The following NFKB1 variants were observed in gnomAD, a reference collection of about 807,000 sequenced individuals.
NFKB1 encodes the protein nuclear factor kappa B subunit 1, also known as nuclear factor NF-kappa-B p105 subunit.
Under a neutral mutation model 105.1 loss-of-function variants are expected in NFKB1, and 9 were observed. The observed-to-expected ratio is 0.09, with a 90% confidence interval of 0.05 to 0.15. The LOEUF (loss-of-function observed/expected upper bound fraction) is 0.15, where lower values mean the gene tolerates loss of function less well. NFKB1 is among the 10% of genes least tolerant of loss of function. NFKB1 has a pLI of 1.00. For synonymous variants in NFKB1, 440 were observed against 442.2 expected (o/e 1.00, Z 0.06); for missense variants, 830 against 1,203.7 (o/e 0.69, Z 4.59).
Position 102,607,386 on chromosome 4 carries a change from G to A in NFKB1, c.2124+67G>A, listed in dbSNP as rs866325133. ...GGAGATTTAAGGAAATCTTTTCAAA[G>A]AAGGAAGTCAGTAGCTGCTGTTCTC... On this transcript the variant is annotated intron_variant, in intron 18 of 23. Transcript: ENST00000226574. The A allele has an allele frequency of 1.3e-4, 209 of 1,548,426 alleles. 3 individuals are homozygous for A. In the South Asian group the frequency reaches 2.4e-3, roughly 18 times the overall value.
chr4:102,514,312 T>G (rs1578706777), intron 1 of NFKB1, among the ~76,000 whole-genome samples: 2 of 152,292 alleles, frequency 1.3e-5, no homozygotes, highest in East Asian at 3.9e-4. Context: ...GGTTTGAATG[T>G]GTCCCCACCA....
intron 15 of NFKB1, among the ~76,000 whole-genome samples, chr4:102,599,594 T>C (rs1307341831): frequency 1.3e-5 from 2 of 152,194 alleles, no homozygotes; most frequent in Admixed American, 6.5e-5. Flanking sequence ...TTTAGAACAG[T>C]GCACATGTAT....
intron 15 of NFKB1, among the ~76,000 whole-genome samples, chr4:102,599,228 G>A (rs534386448): frequency 1.3e-5 from 2 of 152,162 alleles, no homozygotes; most frequent in Non-Finnish European, 2.9e-5. Flanking sequence ...TGGTGTATGT[G>A]CATCATGTCT....
intron 11 of NFKB1, among the ~76,000 whole-genome samples, chr4:102,587,925 A>G (rs1339043692): frequency 1.3e-5 from 2 of 152,188 alleles, no homozygotes; most frequent in Admixed American, 6.6e-5. Flanking sequence ...TGTACAACCC[A>G]GGGAAACATT....
At position 102,611,053 on chromosome 4, in the gene NFKB1, C is replaced by T. The variant is rs1317047631; in HGVS notation, c.2352+354C>T. On this transcript the variant is annotated intron_variant, in intron 20 of 23. Coordinates refer to ENST00000226574, the MANE Select transcript of NFKB1 (RefSeq NM_003998.4). ...GATAAATGTTACTGTTTGCTTAGGA[C>T]TTAGGTAAGTGATTTCAGGATGTAA... Among the ~76,000 whole-genome samples the T allele has an allele frequency of 2.0e-5, 3 of 152,106 alleles. No individual in the cohort carries two copies. In the East Asian group the frequency reaches 5.8e-4, roughly 29 times the overall value.
chr4:102,571,917 A>T (rs1415119448), intron 6 of NFKB1, among the ~76,000 whole-genome samples: 1 of 152,192 alleles, frequency 6.6e-6, no homozygotes, highest in East Asian at 1.9e-4. Flanking sequence ...ATTGTGGAAG[A>T]CAGTGTGGCG....
In NFKB1 at chr4:102,606,715, A is replaced by G. The variant is rs748217323; in HGVS notation, c.1954+18A>G. On this transcript the variant is annotated intron_variant, in intron 17 of 23. Transcript: ENST00000226574. ...CGGGGACGGTAAGAGACAATCACACATCATTGGTGTAACTTTCTCCACCTT... is the reference window on the plus strand; with the variant it reads ...CGGGGACGGTAAGAGACAATCACACGTCATTGGTGTAACTTTCTCCACCTT... 1 of 1,606,604 alleles carries G rather than the reference A, an allele frequency of 6.2e-7. No homozygotes were observed.
At chr4:102,545,117 G>A (rs1392725870) in intron 5 of NFKB1, among the ~76,000 whole-genome samples, 1 of 152,142 alleles carries the variant, frequency 6.6e-6, no homozygotes, top group Non-Finnish European at 1.5e-5. Flanking sequence ...TGAACACACA[G>A]AAGCACTAAG....
At chr4:102,554,289 C>T (rs932367869) in intron 5 of NFKB1, among the ~76,000 whole-genome samples, 2 of 152,032 alleles carry the variant, frequency 1.3e-5, no homozygotes, top group African/African-American at 2.4e-5. Context: ...TCAGGCTAGG[C>T]CTGTAAATAA....
intron 2 of NFKB1, among the ~76,000 whole-genome samples, chr4:102,527,194 A>G (rs1740974359): frequency 6.6e-6 from 1 of 152,208 alleles, no homozygotes; most frequent in African/African-American, 2.4e-5. Flanking sequence ...AAGAACAGAG[A>G]CATTGTTTTC....
chr4:102,519,677 A>G (rs941392257), intron 1 of NFKB1, among the ~76,000 whole-genome samples: 1 of 152,184 alleles, frequency 6.6e-6, no homozygotes, highest in Admixed American at 6.5e-5. Flanking sequence ...CAAAGATACT[A>G]TATTAAAATA....
intron 6 of NFKB1, among the ~76,000 whole-genome samples, chr4:102,575,310 A>G (rs1052405043): frequency 6.6e-6 from 1 of 152,160 alleles, no homozygotes; most frequent in Non-Finnish European, 1.5e-5. Flanking sequence ...GGCCTCTGGT[A>G]TGAGTGCTCA....
At chr4:102,536,016 GTTC>G (rs1463257775) in intron 4 of NFKB1, among the ~76,000 whole-genome samples, 2 of 151,822 alleles carry the variant, frequency 1.3e-5, no homozygotes, top group Non-Finnish European at 1.5e-5. Flanking sequence ...AGAACATCCA[GTTC>G]TGTTGCATAT....
At chr4:102,588,006 A>G (rs1371980683) in intron 11 of NFKB1, among the ~76,000 whole-genome samples, 2 of 151,490 alleles carry the variant, frequency 1.3e-5, no homozygotes, top group Non-Finnish European at 2.9e-5. Context: ...TCCCTATCTC[A>G]TTGCCTAATT....
chr4:102,572,460 A>G (rs1293585889), intron 6 of NFKB1, among the ~76,000 whole-genome samples: 1 of 152,224 alleles, frequency 6.6e-6, no homozygotes, highest in Non-Finnish European at 1.5e-5. Flanking sequence ...CATGTACCCT[A>G]GAACTTAAAG....
At chr4:102,524,747 C>T (rs571366975) in intron 1 of NFKB1, among the ~76,000 whole-genome samples, 4 of 152,162 alleles carry the variant, frequency 2.6e-5, no homozygotes, top group East Asian at 1.9e-4. Flanking sequence ...GATCATCAGG[C>T]GTTAGATTCT....
chr4:102,584,155 T>C (rs1725532698), intron 10 of NFKB1, among the ~76,000 whole-genome samples: 1 of 152,178 alleles, frequency 6.6e-6, no homozygotes, highest in Admixed American at 6.5e-5. Context: ...TTTATCCCTG[T>C]GAATATATTA....
chr4:102,607,445 G>A, intron 18 of NFKB1, 126 bp downstream of exon 18: 1 of 1,189,850 alleles, frequency 8.4e-7, no homozygotes, highest in African/African-American at 1.5e-5. Context: ...TAACATTTAT[G>A]GAGGGCTTCA....
At position 102,593,502 on chromosome 4, in the gene NFKB1, G is replaced by A. The variant is rs753561118; in HGVS notation, c.1144G>A (p.Gly382Arg). The A allele has an allele frequency of 1.4e-5, 23 of 1,613,464 alleles. No homozygotes were observed. Among genetic ancestry groups the A allele is most frequent in the Non-Finnish European group, 1.9e-5 (23 of 1,179,528 alleles). The change falls in exon 12 of 24, where the codon GGA (glycine) becomes AGA (arginine). Residue 382 changes from glycine (G) to arginine (R), a missense_variant. By Grantham distance (125) the Gly-to-Arg change is moderately radical (BLOSUM62 -2). Transcript: ENST00000226574. The part of the protein sequence containing the change: ...SDSFGGGSGA[G>R]AGGGGMFGSG... The stretch of plus-strand genomic sequence containing the variant: ...TAGTTTCGGCGGTGGTAGTGGTGCT[G>A]GAGCTGGAGGCGGAGGCATGTTTGG...
Sources: allele counts gnomAD v4.1 joint callset (sites outside exome capture counted in the v4.1 genomes callset), GRCh38; gene constraint gnomAD v4.1.1; transcripts MANE v1.5; gene names NCBI Gene and HGNC (gene_info 2026-07-23, HGNC 2026-07-21).